RABGAP1L: variants seen among roughly 807,000 people sequenced by gnomAD.
RABGAP1L encodes RAB GTPase activating protein 1 like.
In RABGAP1L, 63 loss-of-function variants were observed where a neutral mutation model predicts 137.7. The ratio of observed to expected loss-of-function variants is 0.46; its 90% CI spans 0.37 to 0.56. RABGAP1L has a LOEUF of 0.56. Among genes scored for constraint, RABGAP1L ranks in the 20% least tolerant of loss-of-function variants. The pLI is 0.00. For missense variants in RABGAP1L, 1,095 were observed against 1,244.0 expected (o/e 0.88, Z 1.80); for synonymous variants, 431 against 433.7 (o/e 0.99, Z 0.08).
At chr1:174,869,277 T>A (rs1451409673) in intron 19 of RABGAP1L, among the ~76,000 whole-genome samples, 1 of 152,106 alleles carries the variant, frequency 6.6e-6, no homozygotes, top group East Asian at 1.9e-4. Context: ...AATCCCCACA[T>A]GTCCAGGGAG....
At chr1:174,244,428 A>G (rs1672081057) in intron 5 of RABGAP1L, 1 of 152,252 alleles carries the variant, frequency 6.6e-6, no homozygotes, top group South Asian at 2.1e-4. Flanking sequence ...GCAGGCATCA[A>G]CAATGGTAGA....
At chr1:174,256,434 A>ATTTTTC (rs1673130258) in intron 7 of RABGAP1L, among the ~76,000 whole-genome samples, 1 of 152,078 alleles carries the variant, frequency 6.6e-6, no homozygotes, top group Non-Finnish European at 1.5e-5. Context: ...TCCCACTATG[A>ATTTTTC]TTACTTTTTT....
chr1:174,703,529 A>T (rs940596094), intron 17 of RABGAP1L, among the ~76,000 whole-genome samples: 2 of 152,202 alleles, frequency 1.3e-5, no homozygotes, highest in Non-Finnish European at 2.9e-5. Context: ...TGCTATTATA[A>T]ATAGTGCTGC....
chr1:174,182,399 T>C (rs1307820121), intron 1 of RABGAP1L, among the ~76,000 whole-genome samples: 1 of 152,206 alleles, frequency 6.6e-6, no homozygotes, highest in Non-Finnish European at 1.5e-5. Flanking sequence ...TTCTTGTCTC[T>C]CCCACCCCTT....
intron 13 of RABGAP1L, among the ~76,000 whole-genome samples, chr1:174,409,536 A>G (rs1649662824): frequency 6.6e-6 from 1 of 152,210 alleles, no homozygotes; most frequent in South Asian, 2.1e-4. Context: ...AAGGGAAGAC[A>G]ACCATAATGT....
chr1:174,972,472 A>G, intron 21 of RABGAP1L, among the ~76,000 whole-genome samples: 1 of 152,232 alleles, frequency 6.6e-6, no homozygotes, highest in South Asian at 2.1e-4. Context: ...CTTAGATTGC[A>G]ATTAGAACTT....
chr1:174,389,034 A>G (rs1452907092), intron 12 of RABGAP1L, among the ~76,000 whole-genome samples: 4 of 151,658 alleles, frequency 2.6e-5, no homozygotes, highest in African/African-American at 7.3e-5. Flanking sequence ...GAAAATTGAT[A>G]CATATTTAGT....
At chr1:174,781,504 C>T (rs896892125) in intron 18 of RABGAP1L, among the ~76,000 whole-genome samples, 8 of 152,114 alleles carry the variant, frequency 5.3e-5, no homozygotes, top group Admixed American at 3.3e-4. Context: ...AATTTTCTCC[C>T]ATTCTGTAGG....
chr1:174,694,922 G>C (rs61828060), intron 15 of RABGAP1L, among the ~76,000 whole-genome samples: 1 of 149,716 alleles, frequency 6.7e-6, no homozygotes, highest in Non-Finnish European at 1.5e-5. Context: ...TCTCATTGTG[G>C]TTTTGATTTG....
At chr1:174,234,644 G>A (rs1670992550) in intron 4 of RABGAP1L, among the ~76,000 whole-genome samples, 1 of 151,676 alleles carries the variant, frequency 6.6e-6, no homozygotes, top group African/African-American at 2.4e-5. Context: ...TTTGGTACCA[G>A]TGCCATGCTG....
intron 13 of RABGAP1L, among the ~76,000 whole-genome samples, chr1:174,629,448 C>G (rs1193345642): frequency 1.3e-5 from 2 of 152,104 alleles, no homozygotes; most frequent in East Asian, 1.9e-4. Flanking sequence ...TTCCCTTAGC[C>G]AAATGAGAGC....
intron 13 of RABGAP1L, among the ~76,000 whole-genome samples, chr1:174,519,539 C>T (rs1249628296): frequency 6.6e-6 from 1 of 152,140 alleles, no homozygotes; most frequent in Non-Finnish European, 1.5e-5. Context: ...ATGTTAATCT[C>T]CTTTGGCAAC....
chr1:174,717,407 C>T (rs559642087), intron 17 of RABGAP1L, among the ~76,000 whole-genome samples: 1 of 152,196 alleles, frequency 6.6e-6, no homozygotes, highest in East Asian at 1.9e-4. Flanking sequence ...AGATTCCTGT[C>T]TCAAAAACAA....
At chr1:174,978,590 T>C (rs563514271) in intron 22 of RABGAP1L, among the ~76,000 whole-genome samples, 16 of 152,224 alleles carry the variant, frequency 1.1e-4, no homozygotes, top group African/African-American at 3.9e-4. Context: ...GTTGTTCATA[T>C]GTCTCATATT....
At chr1:174,679,497 A>G (rs1368933948) in intron 14 of RABGAP1L, among the ~76,000 whole-genome samples, 1 of 152,240 alleles carries the variant, frequency 6.6e-6, no homozygotes, top group Non-Finnish European at 1.5e-5. Flanking sequence ...ACAATGTTTG[A>G]CTTCTAAGAT....
intron 19 of RABGAP1L, chr1:174,849,723 G>A (rs914897842): frequency 4.4e-5 from 20 of 450,964 alleles, no homozygotes; most frequent in Non-Finnish European, 6.6e-5. Context: ...TTCTGAATTC[G>A]CATCTTTCTG....
At chr1:174,250,711 TAC>T (rs1158036894) in intron 6 of RABGAP1L, 79 bp downstream of exon 6, 12 of 1,328,836 alleles carry the variant, frequency 9.0e-6, no homozygotes, top group Non-Finnish European at 1.1e-5. Flanking sequence ...CAAGAAACTA[TAC>T]AGTGTTGGCA....
intron 12 of RABGAP1L, 132 bp downstream of exon 12, chr1:174,371,204 T>C (rs183870057): frequency 3.1e-5 from 12 of 386,552 alleles, no homozygotes; most frequent in Non-Finnish European, 4.9e-5. Flanking sequence ...CTTAATATTG[T>C]TTAAAAACTT....
chr1:174,367,043 C>T (rs1202359878), intron 11 of RABGAP1L: 1 of 152,136 alleles, frequency 6.6e-6, no homozygotes, highest in African/African-American at 2.4e-5. Flanking sequence ...AAGAACTCTT[C>T]AAGCAATTCA....
Sources: allele counts gnomAD v4.1 joint callset (sites outside exome capture counted in the v4.1 genomes callset), GRCh38; gene constraint gnomAD v4.1.1; transcripts MANE v1.5; gene names NCBI Gene and HGNC (gene_info 2026-07-23, HGNC 2026-07-21).